AMPH: variants seen among roughly 807,000 people sequenced by gnomAD.
The protein encoded by AMPH is amphiphysin (Stiff-Mann syndrome with breast cancer 128kD autoantigen).
Under a neutral mutation model 99.1 loss-of-function variants are expected in AMPH, and 49 were observed. That is an observed-to-expected ratio of 0.49 (90% confidence interval 0.39 to 0.63). The LOEUF (loss-of-function observed/expected upper bound fraction) is 0.63. AMPH is among the 20% of genes least tolerant of loss of function. The probability of loss-of-function intolerance (pLI) is 0.00; values close to 1 mark genes in which losing one functional copy is unlikely to be tolerated. For synonymous variants in AMPH, 314 were observed against 317.3 expected, an observed-to-expected ratio of 0.99 and a Z score of 0.11; for missense variants, 759 against 863.4, an observed-to-expected ratio of 0.88 and a Z score of 1.52.
chr7:38,555,215 G>A (rs548342215), intron 1 of AMPH, among the ~76,000 whole-genome samples: 2 of 150,988 alleles, frequency 1.3e-5, no homozygotes, highest in African/African-American at 4.9e-5. Context: ...GACCAGCCTG[G>A]GTAGCATAGT....
chr7:38,468,018 A>T (rs1477661215), intron 7 of AMPH, among the ~76,000 whole-genome samples: 2 of 152,142 alleles, frequency 1.3e-5, no homozygotes, highest in Admixed American at 1.3e-4. Flanking sequence ...ATGAATATCT[A>T]TGATTAAGGT....
chr7:38,391,868 C>T lies in AMPH; in HGVS notation c.1758G>A (p.Thr586=), dbSNP rs747533180. ...GPTSETPELA[T]EQKPIQDPQP... ...GAGGGTCCTGGATAGGCTTCTGCTCCGTAGCCAGCTCCGGTGTCTCGCTGG... is the reference window on the plus strand; with the variant it reads ...GAGGGTCCTGGATAGGCTTCTGCTCTGTAGCCAGCTCCGGTGTCTCGCTGG... Residue 586 remains threonine (T), a synonymous_variant, in exon 19 of 21, where the codon ACG becomes ACA. Coordinates refer to ENST00000356264, the MANE Select transcript of AMPH (RefSeq NM_001635.4). The T allele has an allele frequency of 3.7e-6, 6 of 1,612,816 alleles. No homozygotes were observed. Among genetic ancestry groups the T allele is most frequent in the South Asian group, 1.1e-5 (1 of 90,966 alleles).
chr7:38,594,698 T>C (rs984080481), intron 1 of AMPH, among the ~76,000 whole-genome samples: 5 of 152,128 alleles, frequency 3.3e-5, no homozygotes, highest in African/African-American at 1.2e-4. Context: ...TCGAGACTAC[T>C]ATGTGGATTC....
At chr7:38,476,641 T>C (rs1788094707) in intron 6 of AMPH, among the ~76,000 whole-genome samples, 1 of 152,220 alleles carries the variant, frequency 6.6e-6, no homozygotes, top group South Asian at 2.1e-4. Flanking sequence ...GGTCAAAGTT[T>C]ATTCTGATCA....
At chr7:38,385,960 C>G (rs1402279845) in intron 20 of AMPH, among the ~76,000 whole-genome samples, 3 of 152,016 alleles carry the variant, frequency 2.0e-5, no homozygotes, top group Admixed American at 2.0e-4. Context: ...CAGGTTTAGT[C>G]TGAACAAACC....
chr7:38,397,228 A>G (rs1784696086), intron 17 of AMPH, among the ~76,000 whole-genome samples: 1 of 152,230 alleles, frequency 6.6e-6, no homozygotes, highest in Admixed American at 6.5e-5. Context: ...ACCACACATT[A>G]TTACTAATTG....
At chr7:38,595,810 A>G (rs1006889921) in intron 1 of AMPH, among the ~76,000 whole-genome samples, 8 of 152,234 alleles carry the variant, frequency 5.3e-5, no homozygotes, top group African/African-American at 1.7e-4. Context: ...ATGTGAGAAC[A>G]TGCAGTATTT....
chr7:38,566,918 G>A (rs1009812499), intron 1 of AMPH, among the ~76,000 whole-genome samples: 3 of 152,172 alleles, frequency 2.0e-5, no homozygotes, highest in African/African-American at 7.2e-5. Context: ...TGGAGAAATA[G>A]GAACGCTTTT....
At chr7:38,431,294 A>G (rs372821702) in intron 13 of AMPH, among the ~76,000 whole-genome samples, 7 of 152,196 alleles carry the variant, frequency 4.6e-5, no homozygotes, top group African/African-American at 1.7e-4. Context: ...TAAACCTCAC[A>G]CAACCTTCCG....
In AMPH at chr7:38,389,800, T is replaced by C; in HGVS notation, c.1980+4A>G. Reference sequence around the variant, plus strand: ...CCAAAGCATCTTCCTATCTTTTCTTTTACCTGATCAGCTTCTGAATCTGAG... The same window carrying C: ...CCAAAGCATCTTCCTATCTTTTCTTCTACCTGATCAGCTTCTGAATCTGAG... On this transcript the variant is annotated splice_donor_region_variant and intron_variant, in intron 20 of 20. Coordinates refer to ENST00000356264, the MANE Select transcript of AMPH (RefSeq NM_001635.4). The C allele has an allele frequency of 6.2e-7, 1 of 1,611,020 alleles. No homozygotes were observed. The highest frequency in any genetic ancestry group is 1.1e-5 in the South Asian group (1 of 91,010).
At chr7:38,610,118 C>T (rs1198067667) in intron 1 of AMPH, among the ~76,000 whole-genome samples, 9 of 150,246 alleles carry the variant, frequency 6.0e-5, no homozygotes, top group Non-Finnish European at 1.2e-4. Context: ...TGCCTGTAAT[C>T]CCAGCTACTC....
At chr7:38,387,147 A>T (rs926840441) in intron 20 of AMPH, among the ~76,000 whole-genome samples, 4 of 132,604 alleles carry the variant, frequency 3.0e-5, no homozygotes, top group African/African-American at 1.4e-4. Flanking sequence ...TGTCTGCTAA[A>T]ACAAAAATAA....
rs1788703047 is a variant in AMPH at position 38,491,073 on chromosome 7, G to A, written c.373C>T (p.Leu125=). ...DGSLLTLDTY[L]GQFPDIKNRI... ...ACCTTTATGTCAGGAAATTGCCCCA[G>A]GTAGGTATCCAGTGTTAGCAAGGAC... The change falls in exon 5 of 21, where the codon CTG becomes TTG. Residue 125 remains leucine, a synonymous_variant. Transcript: ENST00000356264. 2 of 1,612,252 alleles carry A rather than the reference G, an allele frequency of 1.2e-6. No individual in the cohort carries two copies. Among genetic ancestry groups the A allele is most frequent in the South Asian group, 2.2e-5 (2 of 91,020 alleles).
At chr7:38,389,273 C>G (rs997019393) in intron 20 of AMPH, among the ~76,000 whole-genome samples, 17 of 152,138 alleles carry the variant, frequency 1.1e-4, no homozygotes, top group Non-Finnish European at 2.2e-4. Flanking sequence ...TCAGACCACT[C>G]TTTTAGGAAG....
chr7:38,630,830 T>C (rs1210091345), intron 1 of AMPH, among the ~76,000 whole-genome samples: 5 of 152,212 alleles, frequency 3.3e-5, no homozygotes, highest in African/African-American at 4.8e-5. Flanking sequence ...GGAAGGCTGC[T>C]GCAATCTCCC....
At chr7:38,466,316 TA>T in intron 7 of AMPH, 68 bp from the exon 8 acceptor site, 1 of 1,285,988 alleles carries the variant, frequency 7.8e-7, no homozygotes, top group Non-Finnish European at 1.1e-6. Flanking sequence ...ATAATTTTAA[TA>T]GCAATGAAAT....
chr7:38,624,633 G>A (rs539177623), intron 1 of AMPH, among the ~76,000 whole-genome samples: 45 of 149,512 alleles, frequency 3.0e-4, no homozygotes, highest in African/African-American at 1.1e-3. Context: ...CCAAATAAAT[G>A]CCACTGGATT....
chr7:38,553,937 C>T (rs1791269805), intron 1 of AMPH, among the ~76,000 whole-genome samples: 1 of 152,228 alleles, frequency 6.6e-6, no homozygotes, highest in South Asian at 2.1e-4. Context: ...GAATTTACAA[C>T]CAAAGAGCTG....
intron 17 of AMPH, among the ~76,000 whole-genome samples, chr7:38,404,575 A>G (rs1006390804): frequency 6.6e-6 from 1 of 152,180 alleles, no homozygotes; most frequent in Non-Finnish European, 1.5e-5. Context: ...AACAAAGCCA[A>G]ACAATCATAT....
Sources: allele counts gnomAD v4.1 joint callset (sites outside exome capture counted in the v4.1 genomes callset), GRCh38; gene constraint gnomAD v4.1.1; transcripts MANE v1.5; gene names NCBI Gene and HGNC (gene_info 2026-07-23, HGNC 2026-07-21).